CDKAL1: variants seen among roughly 807,000 people sequenced by gnomAD.
The protein encoded by CDKAL1 is CDKAL1 threonylcarbamoyladenosine tRNA methylthiotransferase.
A neutral mutation model predicts 68.2 loss-of-function variants in CDKAL1; 32 were observed. The ratio of observed to expected loss-of-function variants is 0.47; its 90% CI spans 0.35 to 0.63. The LOEUF (loss-of-function observed/expected upper bound fraction) is 0.63. CDKAL1 is among the 30% of genes least tolerant of loss of function. The probability of loss-of-function intolerance (pLI) is 0.00; values close to 1 mark genes in which losing one functional copy is unlikely to be tolerated. For missense variants in CDKAL1, 606 were observed against 696.7 expected (o/e 0.87, Z 1.47); for synonymous variants, 234 against 244.3 (o/e 0.96, Z 0.39).
intron 8 of CDKAL1, among the ~76,000 whole-genome samples, chr6:20,788,217 G>A (rs1229886417): frequency 1.3e-5 from 2 of 152,232 alleles, no homozygotes; most frequent in Non-Finnish European, 2.9e-5. Flanking sequence ...TTAAATACTA[G>A]CTAAGAGTGT....
chr6:21,157,415 T>C (rs796380032), intron 13 of CDKAL1, among the ~76,000 whole-genome samples: 25 of 152,304 alleles, frequency 1.6e-4, no homozygotes, highest in African/African-American at 6.0e-4. Flanking sequence ...CTGGGCAACA[T>C]AGTGAGATCC....
At chr6:21,195,383 G>A (rs540244624) in intron 13 of CDKAL1, among the ~76,000 whole-genome samples, 15 of 152,136 alleles carry the variant, frequency 9.9e-5, no homozygotes, top group East Asian at 9.7e-4. Flanking sequence ...GGCTGGTCTC[G>A]AACTCCTGGC....
chr6:20,700,085 T>A (rs144423983), intron 5 of CDKAL1, among the ~76,000 whole-genome samples: 1 of 152,216 alleles, frequency 6.6e-6, no homozygotes, highest in African/African-American at 2.4e-5. Flanking sequence ...TCATGAGTAA[T>A]TCTTATGTTC....
At chr6:21,015,722 T>C (rs1239994421) in intron 11 of CDKAL1, among the ~76,000 whole-genome samples, 1 of 151,720 alleles carries the variant, frequency 6.6e-6, no homozygotes, top group African/African-American at 2.4e-5. Flanking sequence ...AGGTCAGGAG[T>C]TCGAGACCAG....
chr6:20,953,307 T>C (rs1424775316), intron 9 of CDKAL1, among the ~76,000 whole-genome samples: 3 of 152,202 alleles, frequency 2.0e-5, no homozygotes, highest in Admixed American at 1.3e-4. Flanking sequence ...CATAGCGATT[T>C]TTCCCCTTCT....
intron 11 of CDKAL1, among the ~76,000 whole-genome samples, chr6:21,036,069 C>T (rs1769569402): frequency 6.6e-6 from 1 of 152,138 alleles, no homozygotes; most frequent in South Asian, 2.1e-4. Flanking sequence ...GAAAATATAT[C>T]TGCTCCAAAT....
chr6:21,021,800 C>T (rs571935459), intron 11 of CDKAL1, among the ~76,000 whole-genome samples: 1 of 152,284 alleles, frequency 6.6e-6, no homozygotes, highest in Non-Finnish European at 1.5e-5. Context: ...AATTCAACCC[C>T]CATAGTGCCA....
chr6:20,619,354 T>C (rs1195749759), intron 4 of CDKAL1, among the ~76,000 whole-genome samples: 2 of 152,128 alleles, frequency 1.3e-5, no homozygotes, highest in East Asian at 3.8e-4. Flanking sequence ...TCTTGAAAAA[T>C]GCTAAGAGAG....
At chr6:20,566,566 T>A (rs1264308381) in intron 4 of CDKAL1, among the ~76,000 whole-genome samples, 1 of 152,192 alleles carries the variant, frequency 6.6e-6, no homozygotes, top group East Asian at 1.9e-4. Context: ...CTGTAAGCTT[T>A]TAATTAGGAA....
chr6:21,131,884 T>G (rs1775339069), intron 13 of CDKAL1, among the ~76,000 whole-genome samples: 1 of 152,172 alleles, frequency 6.6e-6, no homozygotes, highest in African/African-American at 2.4e-5. Context: ...TTTGTGATTC[T>G]TTAAATTAAT....
At chr6:20,784,887 T>A (rs867881711) in intron 8 of CDKAL1, among the ~76,000 whole-genome samples, 6 of 152,148 alleles carry the variant, frequency 3.9e-5, no homozygotes, top group Non-Finnish European at 7.4e-5. Flanking sequence ...ATATTTAAAA[T>A]TTTTTTAATG....
At chr6:21,016,317 G>A (rs1295383434) in intron 11 of CDKAL1, among the ~76,000 whole-genome samples, 1 of 151,894 alleles carries the variant, frequency 6.6e-6, no homozygotes, top group African/African-American at 2.4e-5. Flanking sequence ...TTCCAGAGCT[G>A]GTGCTTTTTA....
intron 13 of CDKAL1, among the ~76,000 whole-genome samples, chr6:21,123,511 A>G (rs1483082066): frequency 6.6e-6 from 1 of 152,164 alleles, no homozygotes; most frequent in Non-Finnish European, 1.5e-5. Context: ...AGTGTACTAC[A>G]AATTAAGTGT....
chr6:20,976,442 C>T (rs1473315906), intron 10 of CDKAL1, among the ~76,000 whole-genome samples: 1 of 152,134 alleles, frequency 6.6e-6, no homozygotes, highest in Non-Finnish European at 1.5e-5. Flanking sequence ...GATGACTGGA[C>T]CGTAGCTCCT....
rs903485017 is a variant in CDKAL1, at chr6:20,937,495, T to C, written c.743-17924T>C. Among the ~76,000 whole-genome samples, 3 of 152,208 alleles carry C rather than the reference T, an allele frequency of 2.0e-5. No individual in the cohort carries two copies. In the East Asian group the frequency reaches 5.8e-4, roughly 29 times the overall value. On this transcript the variant is annotated intron_variant, in intron 9 of 15. Coordinates refer to ENST00000274695, the MANE Select transcript of CDKAL1 (RefSeq NM_017774.3). ...GCAGACCCTATCCAAATTTCACCCA[T>C]TGTTTCACTAACTTTCTTTTTCTGG...
intron 2 of CDKAL1, 26 bp downstream of exon 2, chr6:20,535,420 T>C (rs1561906593): frequency 6.6e-6 from 1 of 152,372 alleles, no homozygotes; most frequent in Non-Finnish European, 1.5e-5. Context: ...AAACCTTTTA[T>C]GTTTGAGTGC....
intron 11 of CDKAL1, among the ~76,000 whole-genome samples, chr6:21,024,954 G>T (rs1421922002): frequency 2.0e-5 from 3 of 152,156 alleles, no homozygotes. Context: ...ACATCTTTCA[G>T]CCAGTTATCT....
rs1048331973 is a variant in CDKAL1, at chr6:21,165,102, A to G, written c.1300-32919A>G. Among the ~76,000 whole-genome samples the G allele has an allele frequency of 6.8e-4, 103 of 152,370 alleles. 1 individual carries two copies. The highest frequency in any genetic ancestry group is 1.0e-4 in the Non-Finnish European group (7 of 68,040). ...CTGGCCAAAGCCTTGTGGCAAAGTA[A>G]TTGACCACAGCTTTGACAGCAACAA... On this transcript the variant is annotated intron_variant, in intron 13 of 15. Transcript: ENST00000274695.
intron 6 of CDKAL1, among the ~76,000 whole-genome samples, chr6:20,757,553 TAC>T (rs67359030): frequency 1.3e-4 from 20 of 150,934 alleles, no homozygotes; most frequent in East Asian, 2.0e-4. Flanking sequence ...TATATTTATT[TAC>T]ACACACACAC....
Sources: allele counts gnomAD v4.1 joint callset (sites outside exome capture counted in the v4.1 genomes callset), GRCh38; gene constraint gnomAD v4.1.1; transcripts MANE v1.5; gene names NCBI Gene and HGNC (gene_info 2026-07-23, HGNC 2026-07-21).